CDH13: variants seen among roughly 807,000 people sequenced by gnomAD.
CDH13 encodes the protein cadherin 13, also known as cadherin-13.
In CDH13, 24 loss-of-function variants were observed where a neutral mutation model predicts 63.8. That is an observed-to-expected ratio of 0.38 (90% CI 0.27 to 0.53). CDH13 has a LOEUF of 0.53. Among genes scored for constraint, CDH13 ranks in the 20% least tolerant of loss-of-function variants. The pLI is 0.85. For synonymous variants in CDH13, 503 were observed against 355.3 expected (o/e 1.42, Z -4.67); for missense variants, 1,049 against 903.1 (o/e 1.16, Z -2.07).
intron 2 of CDH13, among the ~76,000 whole-genome samples, chr16:82,987,243 A>T (rs954048206): frequency 1.3e-5 from 2 of 152,122 alleles, no homozygotes; most frequent in African/African-American, 4.8e-5. Context: ...GTATCCCTTA[A>T]ACTCGCCCAA....
At chr16:83,448,293 G>T (rs1025091318) in intron 6 of CDH13, among the ~76,000 whole-genome samples, 1 of 152,020 alleles carries the variant, frequency 6.6e-6, no homozygotes. Flanking sequence ...ATAAAACCAG[G>T]GCAGGCATGC....
intron 3 of CDH13, among the ~76,000 whole-genome samples, chr16:83,053,077 C>T (rs1186992127): frequency 1.3e-5 from 2 of 152,056 alleles, no homozygotes; most frequent in Non-Finnish European, 2.9e-5. Flanking sequence ...GTACGAATTT[C>T]CAGGAGTTAA....
chr16:83,720,992 T>C (rs75446043), intron 10 of CDH13: 1 of 152,386 alleles, frequency 6.6e-6, no homozygotes, highest in East Asian at 1.9e-4. Context: ...GGAGGTTTCA[T>C]GTATGCACCT....
At position 82,798,658 on chromosome 16, in the gene CDH13, G is replaced by C. The variant is rs1567546904; in HGVS notation, c.46-59704G>C. ...GGGTTACAAGCACAAATGTCCATAG[G>C]AGCTGGGTAGTTACTGTGAATAAGT... On this transcript the variant is annotated intron_variant, in intron 1 of 13. Transcript: ENST00000567109. 5.9e-5 allele frequency among the ~76,000 whole-genome samples: 9 copies of C among 152,192 alleles called. No individual in the cohort carries two copies. In the South Asian group the frequency reaches 1.9e-3, roughly 32 times the overall value.
intron 5 of CDH13, among the ~76,000 whole-genome samples, chr16:83,297,486 G>C (rs140298296): frequency 5.3e-5 from 8 of 152,290 alleles, no homozygotes; most frequent in South Asian, 2.1e-4. Context: ...TGTAACAAAT[G>C]CTGTTCTCAA....
chr16:83,461,925 C>G (rs2151525714), intron 6 of CDH13, among the ~76,000 whole-genome samples: 1 of 152,320 alleles, frequency 6.6e-6, no homozygotes, highest in Non-Finnish European at 1.5e-5. Flanking sequence ...GGTATGAGCT[C>G]AGGTCCCTGG....
At chr16:83,589,110 A>C (rs1906463479) in intron 7 of CDH13, among the ~76,000 whole-genome samples, 1 of 152,194 alleles carries the variant, frequency 6.6e-6, no homozygotes, top group African/African-American at 2.4e-5. Context: ...GAGGGCTCCA[A>C]GGGAGAATCC....
chr16:83,309,671 A>G (rs1190884845), intron 5 of CDH13, among the ~76,000 whole-genome samples: 2 of 152,176 alleles, frequency 1.3e-5, no homozygotes, highest in Non-Finnish European at 1.5e-5. Context: ...CGCCACGCCC[A>G]GCCCCCTCCT....
intron 1 of CDH13, among the ~76,000 whole-genome samples, chr16:82,743,885 AT>A (rs569236651): frequency 2.6e-5 from 4 of 152,168 alleles, no homozygotes; most frequent in Non-Finnish European, 5.9e-5. Context: ...ATTAAATTTG[AT>A]TTTTTACAGG....
chr16:83,326,886 G>C (rs74034149), intron 5 of CDH13, among the ~76,000 whole-genome samples: 1,566 of 152,290 alleles, frequency 0.01, 23 homozygotes, highest in African/African-American at 0.036. Flanking sequence ...GTCTGCAGTG[G>C]GGGTATCTGG....
At chr16:83,732,454 C>A (rs1221052218) in intron 10 of CDH13, among the ~76,000 whole-genome samples, 1 of 152,138 alleles carries the variant, frequency 6.6e-6, no homozygotes, top group African/African-American at 2.4e-5. Flanking sequence ...GTCCCCAAAG[C>A]CACAAAGGTT....
chr16:82,922,112 C>A (rs1231924682), intron 2 of CDH13, among the ~76,000 whole-genome samples: 1 of 151,948 alleles, frequency 6.6e-6, no homozygotes, highest in Non-Finnish European at 1.5e-5. Context: ...TGGTGGTATG[C>A]CCTTTGTTAT....
chr16:83,788,809 C>T (rs1194031740), intron 13 of CDH13, among the ~76,000 whole-genome samples: 3 of 152,180 alleles, frequency 2.0e-5, no homozygotes, highest in Admixed American at 1.3e-4. Flanking sequence ...TAAGTAGGGG[C>T]ACCTGTGTGT....
intron 2 of CDH13, among the ~76,000 whole-genome samples, chr16:82,899,515 A>G (rs985594534): frequency 1.3e-5 from 2 of 152,098 alleles, no homozygotes; most frequent in African/African-American, 4.8e-5. Flanking sequence ...TATCCTGTCT[A>G]TTTTATTATC....
chr16:82,697,619 G>A (rs896483627), intron 1 of CDH13, among the ~76,000 whole-genome samples: 2 of 151,436 alleles, frequency 1.3e-5, no homozygotes, highest in East Asian at 2.0e-4. Context: ...TAGTAGAGAC[G>A]GGATTTCACC....
chr16:83,042,203 A>G (rs998501432), intron 3 of CDH13, among the ~76,000 whole-genome samples: 1 of 152,224 alleles, frequency 6.6e-6, no homozygotes, highest in South Asian at 2.1e-4. Flanking sequence ...GTGGCCTGTT[A>G]GAAACCGGGC....
intron 6 of CDH13, among the ~76,000 whole-genome samples, chr16:83,451,282 G>C (rs1567681440): frequency 6.6e-6 from 1 of 152,166 alleles, no homozygotes; most frequent in African/African-American, 2.4e-5. Context: ...GAGGAGCAAA[G>C]TTACATCTTA....
chr16:83,452,567 G>T (rs2072913050), intron 6 of CDH13, among the ~76,000 whole-genome samples: 1 of 151,866 alleles, frequency 6.6e-6, no homozygotes, highest in Non-Finnish European at 1.5e-5. Flanking sequence ...GTTTTGCTTG[G>T]GGATGGTACT....
At chr16:83,715,138 A>G (rs1023313354) in intron 10 of CDH13, among the ~76,000 whole-genome samples, 1 of 152,182 alleles carries the variant, frequency 6.6e-6, no homozygotes, top group Non-Finnish European at 1.5e-5. Context: ...TCCACAAAAG[A>G]TATGAAATGG....
Sources: allele counts gnomAD v4.1 joint callset (sites outside exome capture counted in the v4.1 genomes callset), GRCh38; gene constraint gnomAD v4.1.1; transcripts MANE v1.5; gene names NCBI Gene and HGNC (gene_info 2026-07-23, HGNC 2026-07-21).